The following CASP6 variants were observed in gnomAD, a reference collection of about 807,000 sequenced individuals.
The protein encoded by CASP6 is caspase 6, also known as caspase-6.
Under a neutral mutation model 31.8 loss-of-function variants are expected in CASP6, and 20 were observed. The ratio of observed to expected loss-of-function variants is 0.63; its 90% confidence interval spans 0.44 to 0.91. The LOEUF is 0.91. Ranked by LOEUF, CASP6 falls within the 40% of genes least tolerant of loss-of-function variation. CASP6 has a pLI of 0.00. For missense variants in CASP6, 328 were observed against 361.1 expected, an observed-to-expected ratio of 0.91 and a Z score of 0.74; for synonymous variants, 130 against 127.8, an observed-to-expected ratio of 1.02 and a Z score of -0.12.
chr4:109,691,063 G>A, intron 5 of CASP6, 54 bp from the exon 6 acceptor site: 1 of 1,551,106 alleles, frequency 6.4e-7, no homozygotes, highest in Non-Finnish European at 8.7e-7. Flanking sequence ...CCTTCCCAGT[G>A]CTTAATGTGT....
At chr4:109,670,457 C>T in the CASP6 span, among the ~76,000 whole-genome samples, 2 of 152,134 alleles carry the variant, frequency 1.3e-5, no homozygotes, top group Non-Finnish European at 1.5e-5. Flanking sequence ...GTGGTTCATG[C>T]CTTTAATCCC....
At chr4:109,673,413 G>A in the CASP6 span, among the ~76,000 whole-genome samples, 1 of 152,206 alleles carries the variant, frequency 6.6e-6, no homozygotes, top group African/African-American at 2.4e-5. Flanking sequence ...TGGAAGGGCT[G>A]TGTGTTGGGA....
rs1579106078 is a variant in CASP6 at position 109,690,920 on chromosome 4, C to T, written c.573G>A (p.Glu191=). The change falls in exon 6 of 7, where the codon GAG becomes GAA. Residue 191 remains glutamate, a synonymous_variant. Coordinates refer to ENST00000265164, the MANE Select transcript of CASP6 (RefSeq NM_001226.4). ...QTEKLDTNIT[E]VDAASVYTLP... is the part of the protein sequence containing the mutation. Reference sequence around the variant, plus strand: ...GCGTGTAAACGGAGGCTGCATCCACCTCAGTTATGTTGGTGTCCAACTTCT... The same window carrying T: ...GCGTGTAAACGGAGGCTGCATCCACTTCAGTTATGTTGGTGTCCAACTTCT... The T allele has an allele frequency of 1.6e-5, 26 of 1,613,780 alleles. No individual in the cohort carries two copies. Among genetic ancestry groups the T allele is most frequent in the Non-Finnish European group, 2.2e-5 (26 of 1,179,834 alleles).
chr4:109,707,987 A>T (rs2126164510), upstream of CASP6, among the ~76,000 whole-genome samples: 1 of 152,324 alleles, frequency 6.6e-6, no homozygotes, highest in Non-Finnish European at 1.5e-5. Flanking sequence ...TTGTAATTTT[A>T]AAAGTAAGCA....
At chr4:109,697,198 T>C (rs1159050469) in intron 3 of CASP6, among the ~76,000 whole-genome samples, 2 of 152,202 alleles carry the variant, frequency 1.3e-5, no homozygotes, top group Non-Finnish European at 2.9e-5. Flanking sequence ...AACTTTTCCC[T>C]ACATCTAGAA....
chr4:109,707,692 T>C (rs1336222652), upstream of CASP6, among the ~76,000 whole-genome samples: 1 of 152,122 alleles, frequency 6.6e-6, no homozygotes, highest in East Asian at 1.9e-4. Context: ...TTCTCCTGGA[T>C]TTTTCAAATC....
At chr4:109,680,669 G>A in the CASP6 span, among the ~76,000 whole-genome samples, 3 of 152,246 alleles carry the variant, frequency 2.0e-5, no homozygotes, top group South Asian at 6.2e-4. Context: ...CTATGGAAGG[G>A]GGTAAAGACC....
the CASP6 span, among the ~76,000 whole-genome samples, chr4:109,680,107 G>A: frequency 6.6e-6 from 1 of 152,068 alleles, no homozygotes; most frequent in Non-Finnish European, 1.5e-5. Flanking sequence ...TGGCCTGAGG[G>A]TATAAATTTT....
the CASP6 span, among the ~76,000 whole-genome samples, chr4:109,670,794 G>C: frequency 4.6e-5 from 7 of 151,776 alleles, no homozygotes; most frequent in African/African-American, 1.7e-4. Flanking sequence ...CTTTCCTGCT[G>C]CCGTAAGGAG....
At chr4:109,700,466 G>A (rs1314029248) in intron 1 of CASP6, among the ~76,000 whole-genome samples, 1 of 152,174 alleles carries the variant, frequency 6.6e-6, no homozygotes, top group East Asian at 1.9e-4. Context: ...AGGACATAGT[G>A]TGCTATGACT....
the CASP6 span, among the ~76,000 whole-genome samples, chr4:109,669,044 C>A: frequency 6.6e-6 from 1 of 151,972 alleles, no homozygotes; most frequent in Non-Finnish European, 1.5e-5. Flanking sequence ...TTCTTTTGAA[C>A]CGACTGTTAT....
chr4:109,690,247 A>AAACAC (rs61007363), intron 6 of CASP6, among the ~76,000 whole-genome samples: 1,964 of 143,338 alleles, frequency 0.014, 61 homozygotes, highest in South Asian at 0.057. Flanking sequence ...AAAAAAAAAA[A>AAACAC]ACGCACGCAC....
intron 4 of CASP6, among the ~76,000 whole-genome samples, chr4:109,696,125 C>A (rs5030567): frequency 0.034 from 5,174 of 152,174 alleles, 272 homozygotes; most frequent in African/African-American, 0.12. Context: ...GTAGTACTTG[C>A]ATTTTAGGCT....
intron 5 of CASP6, among the ~76,000 whole-genome samples, chr4:109,693,679 C>T (rs1300182102): frequency 6.0e-5 from 8 of 132,806 alleles, no homozygotes; most frequent in African/African-American, 8.8e-5. Flanking sequence ...AGCGAGACTC[C>T]ATCTCAAAAA....
At chr4:109,703,514 GC>G (rs1484260541), upstream of CASP6, 6 of 1,350,292 alleles carry the variant, frequency 4.4e-6, no homozygotes, top group Non-Finnish European at 6.1e-6. Flanking sequence ...CGAGCGTGGG[GC>G]CAGTTGGTTC....
the CASP6 span, among the ~76,000 whole-genome samples, chr4:109,664,557 T>TG: frequency 6.6e-6 from 1 of 152,084 alleles, no homozygotes; most frequent in African/African-American, 2.4e-5. Flanking sequence ...CCAGAGTAGC[T>TG]GGGACTACCT....
upstream of CASP6, among the ~76,000 whole-genome samples, chr4:109,704,530 G>C (rs1051378943): frequency 5.3e-5 from 8 of 152,214 alleles, no homozygotes; most frequent in African/African-American, 1.9e-4. Context: ...TGGAGGCTGA[G>C]AGAGGTGAGG....
the CASP6 span, among the ~76,000 whole-genome samples, chr4:109,682,116 G>A: frequency 6.6e-6 from 1 of 152,166 alleles, no homozygotes; most frequent in Non-Finnish European, 1.5e-5. Flanking sequence ...GTGTTTAAAG[G>A]TGGATGCGGT....
At chr4:109,704,624 T>C (rs1020442788), upstream of CASP6, among the ~76,000 whole-genome samples, 1 of 152,194 alleles carries the variant, frequency 6.6e-6, no homozygotes, top group African/African-American at 2.4e-5. Context: ...GACATAAAAG[T>C]GCAAGGTGAA....
Sources: gnomAD v4.1 joint callset for allele counts (sites outside exome capture counted in the v4.1 genomes callset) on GRCh38, gnomAD v4.1.1 for gene constraint, MANE v1.5 for transcripts, NCBI Gene and HGNC (gene_info 2026-07-23, HGNC 2026-07-21) for gene names.